SEMA6D: variants seen among roughly 807,000 people sequenced by gnomAD.
The protein encoded by SEMA6D is semaphorin-6D.
Under a neutral mutation model 106.6 loss-of-function variants are expected in SEMA6D, and 35 were observed. That is an observed-to-expected ratio of 0.33 (90% CI 0.25 to 0.44). The LOEUF (loss-of-function observed/expected upper bound fraction) is 0.44. Ranked by LOEUF, SEMA6D falls within the 20% of genes least tolerant of loss-of-function variation. The pLI is 1.00. For missense variants in SEMA6D, 1,185 were observed against 1,345.9 expected (o/e 0.88, Z 1.87); for synonymous variants, 499 against 487.7 (o/e 1.02, Z -0.31).
chr15:47,439,140 T>C, intron 2 of SEMA6D, among the ~76,000 whole-genome samples: 1 of 152,158 alleles, frequency 6.6e-6, no homozygotes, highest in East Asian at 1.9e-4. Flanking sequence ...TCCCCTTGTA[T>C]TCTTCACATA....
At chr15:47,506,612 A>ACT (rs2044050065) in intron 3 of SEMA6D, among the ~76,000 whole-genome samples, 1 of 151,356 alleles carries the variant, frequency 6.6e-6, no homozygotes, top group African/African-American at 2.4e-5. Context: ...ACACACACAC[A>ACT]CACACACACA....
intron 1 of SEMA6D, among the ~76,000 whole-genome samples, chr15:47,372,428 G>T (rs1013365072): frequency 6.6e-6 from 1 of 152,204 alleles, no homozygotes; most frequent in African/African-American, 2.4e-5. Context: ...TACTTGCAAA[G>T]GTAGAACTGG....
chr15:47,359,232 C>T (rs1017266853), intron 1 of SEMA6D, among the ~76,000 whole-genome samples: 3 of 152,132 alleles, frequency 2.0e-5, no homozygotes, highest in African/African-American at 4.8e-5. Flanking sequence ...CATATTTATA[C>T]ATATGTGTAT....
At chr15:47,308,548 C>T (rs538226868) in intron 1 of SEMA6D, among the ~76,000 whole-genome samples, 6 of 152,208 alleles carry the variant, frequency 3.9e-5, no homozygotes, top group Admixed American at 2.6e-4. Flanking sequence ...GAACGAATCC[C>T]GTAAGACACA....
rs1485941008 is a variant in SEMA6D at position 47,764,040 on chromosome 15, T to G, written c.938T>G (p.Val313Gly). 1.2e-6 allele frequency: 2 copies of G among 1,613,912 alleles called. No homozygotes were observed. Residue 313 changes from valine to glycine, a missense_variant, in exon 10 of 19, where the codon GTC (valine) becomes GGC (glycine). Transcript: ENST00000536845. ...CAAATCAATGGCATCCCCACTGTGGTCGGGGTGTTTACCACGCAGCTCAAT... is the reference window on the plus strand; with the variant it reads ...CAAATCAATGGCATCCCCACTGTGGGCGGGGTGTTTACCACGCAGCTCAAT... Reference protein sequence around the residue: ...IIQINGIPTVVGVFTTQLNSI... With the variant: ...IIQINGIPTVGGVFTTQLNSI...
intron 3 of SEMA6D, among the ~76,000 whole-genome samples, chr15:47,505,201 G>A (rs1223893343): frequency 6.6e-6 from 1 of 152,112 alleles, no homozygotes; most frequent in East Asian, 1.9e-4. Flanking sequence ...TCTTCTAGTT[G>A]GTCCCAGGCA....
chr15:47,425,167 TTTCTC>T (rs1286786224), intron 2 of SEMA6D, among the ~76,000 whole-genome samples: 1 of 152,098 alleles, frequency 6.6e-6, no homozygotes, highest in Non-Finnish European at 1.5e-5. Context: ...CTTTTAGTCT[TTTCTC>T]TTCTCTGGTG....
chr15:47,606,578 T>C (rs1248208215), intron 4 of SEMA6D, among the ~76,000 whole-genome samples: 1 of 152,194 alleles, frequency 6.6e-6, no homozygotes, highest in Non-Finnish European at 1.5e-5. Context: ...AGGAGGAAAC[T>C]GCACAAGGAC....
intron 3 of SEMA6D, among the ~76,000 whole-genome samples, chr15:47,568,797 T>C (rs1384637272): frequency 6.6e-6 from 1 of 152,174 alleles, no homozygotes; most frequent in South Asian, 2.1e-4. Context: ...CTATTTCCTC[T>C]ATTTTAGGTT....
In SEMA6D at chr15:47,253,255, T is replaced by G. The variant is rs1222918075; in HGVS notation, c.-239+68837T>G. ...TTGAGGTCGTTATACATGCTGCATG[T>G]TAAACTCTGTCAGATGCATAGTTTG... On this transcript the variant is annotated intron_variant, in intron 1 of 19. Transcript: ENST00000558014. Among the ~76,000 whole-genome samples the G allele has an allele frequency of 2.0e-5, 3 of 152,220 alleles. No homozygotes were observed. In the East Asian group the frequency reaches 5.8e-4, roughly 29 times the overall value.
chr15:47,587,926 G>A (rs574195976), intron 3 of SEMA6D, among the ~76,000 whole-genome samples: 1 of 152,102 alleles, frequency 6.6e-6, no homozygotes, highest in South Asian at 2.1e-4. Context: ...GAGTTGAGAT[G>A]GCAACATTGA....
chr15:47,553,516 G>A (rs1228345852), intron 3 of SEMA6D, among the ~76,000 whole-genome samples: 1 of 152,108 alleles, frequency 6.6e-6, no homozygotes, highest in African/African-American at 2.4e-5. Flanking sequence ...TTTCCTGCCT[G>A]AAAGAGCATG....
At chr15:47,446,961 A>G (rs1232136059) in intron 2 of SEMA6D, among the ~76,000 whole-genome samples, 4 of 152,146 alleles carry the variant, frequency 2.6e-5, no homozygotes, top group African/African-American at 9.6e-5. Context: ...GTGCAGGACA[A>G]CATCCGGAAA....
At chr15:47,351,270 G>A (rs2038315212) in intron 1 of SEMA6D, among the ~76,000 whole-genome samples, 1 of 152,140 alleles carries the variant, frequency 6.6e-6, no homozygotes, top group Non-Finnish European at 1.5e-5. Context: ...TCTCTGGATA[G>A]ATAAAGGTGT....
At chr15:47,760,165 A>G in intron 2 of SEMA6D, 139 bp from the exon 3 acceptor site, 1 of 657,616 alleles carries the variant, frequency 1.5e-6, no homozygotes, top group African/African-American at 1.8e-5. Context: ...ACTGCCTTTT[A>G]TTCATTTATA....
intron 1 of SEMA6D, among the ~76,000 whole-genome samples, chr15:47,741,001 C>T (rs1343082672): frequency 6.6e-6 from 1 of 152,194 alleles, no homozygotes; most frequent in Non-Finnish European, 1.5e-5. Flanking sequence ...ATTTTTCTGA[C>T]ACAGTTACCT....
rs561872840 is a variant in SEMA6D, at chr15:47,373,642, T to C, written c.-238-38751T>C. Among the ~76,000 whole-genome samples, 3 of 152,320 alleles carry C rather than the reference T, an allele frequency of 2.0e-5. No individual in the cohort carries two copies. The South Asian group carries it at 6.2e-4, about 32-fold the overall frequency. Reference sequence around the variant, plus strand: ...TTTATAGTACATTATGAGACGTCCATATGTGATGAGTAAGTTGGGTGTTTA... The same window carrying C: ...TTTATAGTACATTATGAGACGTCCACATGTGATGAGTAAGTTGGGTGTTTA... On this transcript the variant is annotated intron_variant, in intron 1 of 19. Transcript: ENST00000558014.
chr15:47,277,398 T>G (rs1286860559), intron 1 of SEMA6D, among the ~76,000 whole-genome samples: 12 of 151,938 alleles, frequency 7.9e-5, no homozygotes, highest in African/African-American at 2.7e-4. Flanking sequence ...ATTGTTGTCT[T>G]ATTTCAAGAA....
At chr15:47,745,059 A>G (rs1385677417) in intron 1 of SEMA6D, among the ~76,000 whole-genome samples, 1 of 152,168 alleles carries the variant, frequency 6.6e-6, no homozygotes, top group Non-Finnish European at 1.5e-5. Context: ...AGGTGTGTTT[A>G]ATGTTTGGGA....
Sources: allele counts gnomAD v4.1 joint callset (sites outside exome capture counted in the v4.1 genomes callset), GRCh38; gene constraint gnomAD v4.1.1; transcripts MANE v1.5; gene names NCBI Gene and HGNC (gene_info 2026-07-23, HGNC 2026-07-21).